The following TRDN variants were observed in gnomAD, a reference collection of about 807,000 sequenced individuals.
TRDN encodes triadin in skeletal muscle.
A neutral mutation model predicts 149.7 loss-of-function variants in TRDN; 161 were observed. The ratio of observed to expected loss-of-function variants is 1.08; its 90% CI spans 0.95 to 1.23. The LOEUF is 1.23. Among genes scored for constraint, TRDN ranks in the 50% most tolerant of loss-of-function variants. The probability of loss-of-function intolerance (pLI) is 0.00; values close to 1 mark genes in which losing one functional copy is unlikely to be tolerated. For missense variants in TRDN, 896 were observed against 823.5 expected (o/e 1.09, Z -1.08); for synonymous variants, 294 against 250.5 (o/e 1.17, Z -1.64).
intron 9 of TRDN, among the ~76,000 whole-genome samples, chr6:123,492,536 A>G (rs1299642761): frequency 1.3e-5 from 2 of 152,132 alleles, no homozygotes; most frequent in East Asian, 3.9e-4. Context: ...TTGGTGAAGA[A>G]GGAATATGAA....
intron 16 of TRDN, among the ~76,000 whole-genome samples, chr6:123,378,694 C>T (rs1452871040): frequency 6.6e-6 from 1 of 152,150 alleles, no homozygotes; most frequent in Non-Finnish European, 1.5e-5. Flanking sequence ...TTCTAAGAAT[C>T]TTCTTACATG....
At chr6:123,588,825 T>A (rs1783642352) in intron 1 of TRDN, among the ~76,000 whole-genome samples, 1 of 152,292 alleles carries the variant, frequency 6.6e-6, no homozygotes. Context: ...TTTAAAGAAA[T>A]GCTGTAAAAG....
chr6:123,239,414 CG>C (rs1318439037), intron 38 of TRDN, among the ~76,000 whole-genome samples: 1 of 152,044 alleles, frequency 6.6e-6, no homozygotes. Flanking sequence ...CTTGATTTAA[CG>C]GCTATAGAAT....
intron 21 of TRDN, among the ~76,000 whole-genome samples, chr6:123,343,010 C>A (rs1451904626): frequency 6.6e-6 from 1 of 152,058 alleles, no homozygotes; most frequent in East Asian, 1.9e-4. Flanking sequence ...TACACAGTAA[C>A]CTGATCATCA....
intron 38 of TRDN, among the ~76,000 whole-genome samples, chr6:123,236,127 T>A (rs973393746): frequency 6.6e-6 from 1 of 152,188 alleles, no homozygotes; most frequent in African/African-American, 2.4e-5. Context: ...CCGACAGCAA[T>A]GTATGAAAGT....
At chr6:123,268,335 G>T in intron 31 of TRDN, among the ~76,000 whole-genome samples, 1 of 151,748 alleles carries the variant, frequency 6.6e-6, no homozygotes, top group African/African-American at 2.4e-5. Flanking sequence ...AACTATTCTA[G>T]GATATGACAA....
intron 24 of TRDN, among the ~76,000 whole-genome samples, chr6:123,289,919 GAC>G (rs1056355987): frequency 6.6e-6 from 1 of 152,100 alleles, no homozygotes; most frequent in African/African-American, 2.4e-5. Context: ...CCTGGTGAGA[GAC>G]AGAAAAAAAG....
intron 1 of TRDN, among the ~76,000 whole-genome samples, chr6:123,619,796 GAAGA>G (rs759242558): frequency 3.3e-5 from 5 of 151,920 alleles, no homozygotes; most frequent in Non-Finnish European, 7.4e-5. Flanking sequence ...GTTTAAATGA[GAAGA>G]AAAAGGAAAA....
intron 1 of TRDN, among the ~76,000 whole-genome samples, chr6:123,605,305 A>T (rs1583313924): frequency 6.7e-6 from 1 of 148,908 alleles, no homozygotes; most frequent in Admixed American, 6.7e-5. Flanking sequence ...ACACACATAT[A>T]TATAAACATA....
intron 24 of TRDN, among the ~76,000 whole-genome samples, chr6:123,305,148 T>A (rs1232141859): frequency 2.0e-5 from 3 of 152,094 alleles, no homozygotes; most frequent in African/African-American, 7.2e-5. Context: ...TTACAATATG[T>A]CCAAAATTTC....
intron 33 of TRDN, among the ~76,000 whole-genome samples, chr6:123,265,022 A>G (rs1429776448): frequency 1.3e-5 from 2 of 151,984 alleles, no homozygotes; most frequent in Non-Finnish European, 2.9e-5. Context: ...TGCCAGGACA[A>G]TGACATCTAA....
intron 4 of TRDN, among the ~76,000 whole-genome samples, chr6:123,536,682 C>T (rs893488548): frequency 2.8e-4 from 32 of 115,610 alleles, no homozygotes; most frequent in Admixed American, 1.3e-3. Context: ...GAAACTCCAT[C>T]TCTACAATAA....
intron 5 of TRDN, among the ~76,000 whole-genome samples, chr6:123,524,089 T>C (rs1321938209): frequency 6.6e-6 from 1 of 152,124 alleles, no homozygotes; most frequent in Non-Finnish European, 1.5e-5. Flanking sequence ...CATAGATACA[T>C]ATTTAAAAGC....
chr6:123,298,951 C>T (rs1778306733), intron 24 of TRDN, among the ~76,000 whole-genome samples: 1 of 151,992 alleles, frequency 6.6e-6, no homozygotes, highest in Non-Finnish European at 1.5e-5. Flanking sequence ...AATTACTTCA[C>T]CTAACAAACG....
At chr6:123,304,577 T>C (rs902778117) in intron 24 of TRDN, among the ~76,000 whole-genome samples, 3 of 152,146 alleles carry the variant, frequency 2.0e-5, no homozygotes, top group Non-Finnish European at 2.9e-5. Context: ...AAAAGTAAGA[T>C]AAGTGATTGC....
intron 38 of TRDN, among the ~76,000 whole-genome samples, chr6:123,245,995 C>T (rs1041766078): frequency 1.3e-5 from 2 of 152,000 alleles, no homozygotes; most frequent in Admixed American, 1.3e-4. Context: ...CTACTGGGTA[C>T]ATAAAGAAAT....
intron 9 of TRDN, among the ~76,000 whole-genome samples, chr6:123,486,259 T>TA (rs1440940733): frequency 6.6e-6 from 1 of 151,904 alleles, no homozygotes; most frequent in Non-Finnish European, 1.5e-5. Flanking sequence ...ACTTCTTTTT[T>TA]TTTTTTTAAC....
chr6:123,297,582 A>G (rs1778249107), intron 24 of TRDN, among the ~76,000 whole-genome samples: 1 of 152,060 alleles, frequency 6.6e-6, no homozygotes, highest in Non-Finnish European at 1.5e-5. Context: ...CAGTCTCCCA[A>G]GAATTTTTGG....
chr6:123,420,863 G>C (rs1412000138), intron 12 of TRDN, among the ~76,000 whole-genome samples: 1 of 152,156 alleles, frequency 6.6e-6, no homozygotes, highest in Non-Finnish European at 1.5e-5. Context: ...TTTAATTGTT[G>C]TTAAATGCCA....
Sources: allele counts gnomAD v4.1 joint callset (sites outside exome capture counted in the v4.1 genomes callset), GRCh38; gene constraint gnomAD v4.1.1; transcripts MANE v1.5; gene names NCBI Gene and HGNC (gene_info 2026-07-23, HGNC 2026-07-21).